The following RFX3 variants were observed in gnomAD, a reference collection of about 807,000 sequenced individuals.
The protein encoded by RFX3 is regulatory factor X3, also known as transcription factor RFX3.
In RFX3, 14 loss-of-function variants were observed where a neutral mutation model predicts 98.6. The observed-to-expected ratio is 0.14, with a 90% CI of 0.09 to 0.22. The LOEUF (loss-of-function observed/expected upper bound fraction) is 0.22, where lower values mean the gene tolerates loss of function less well. RFX3 is among the 10% of genes least tolerant of loss of function. RFX3 has a pLI of 1.00. For missense variants in RFX3, 639 were observed against 926.9 expected (o/e 0.69, Z 4.03); for synonymous variants, 383 against 328.4 (o/e 1.17, Z -1.80).
chr9:3,477,969 G>A (rs778674439), intron 1 of RFX3, among the ~76,000 whole-genome samples: 1 of 151,976 alleles, frequency 6.6e-6, no homozygotes, highest in African/African-American at 2.4e-5. Context: ...ATACTTTTAA[G>A]CTCCAGAACT....
At chr9:3,292,619 AAC>A (rs1827531942) in intron 6 of RFX3, among the ~76,000 whole-genome samples, 1 of 152,206 alleles carries the variant, frequency 6.6e-6, no homozygotes, top group Non-Finnish European at 1.5e-5. Context: ...ACTCTATCCC[AAC>A]AGTTATTTAT....
intron 13 of RFX3, among the ~76,000 whole-genome samples, chr9:3,260,146 T>C (rs1822678929): frequency 1.3e-5 from 2 of 151,954 alleles, no homozygotes; most frequent in Non-Finnish European, 1.5e-5. Flanking sequence ...AAGTAAAATG[T>C]AGGGGGAAAT....
chr9:3,424,793 T>C (rs1046557187), intron 1 of RFX3, among the ~76,000 whole-genome samples: 11 of 152,218 alleles, frequency 7.2e-5, no homozygotes, highest in Non-Finnish European at 1.0e-4. Context: ...ATCTCTAAAA[T>C]TATACATATA....
In RFX3 at chr9:3,224,158, G is replaced by T. The variant is rs1298288737; in HGVS notation, c.*884C>A. 1 of 151,614 alleles carries T rather than the reference G, an allele frequency of 6.6e-6. No individual in the cohort carries two copies. Among genetic ancestry groups the T allele is most frequent in the African/African-American group, 2.4e-5 (1 of 41,240 alleles). 9.4% of individuals were successfully genotyped at this position (151,614 alleles called of 1,614,324 possible). A position where few individuals can be genotyped will look rare whatever the true frequency, so the allele number is the denominator to read the frequency against. On this transcript the variant is annotated 3_prime_UTR_variant, in exon 17 of 17. Coordinates refer to ENST00000617270, the MANE Select transcript of RFX3 (RefSeq NM_001282116.2). ...CTGTATGTCCAGCTCAGCATAAGTA[G>T]CATGTACACTTAAAAAAAAAAAGTC...
Position 3,222,966 on chromosome 9 carries a change from G to C in RFX3, c.*2076C>G, listed in dbSNP as rs1817418832. ...GTTGTTGATGTTATTTGAGTAGTCT[G>C]AGGCAATTAAGCAACAACAGCTTAA... On this transcript the variant is annotated 3_prime_UTR_variant, in exon 17 of 17. Transcript: ENST00000617270. 1 of 152,078 alleles carries C rather than the reference G, an allele frequency of 6.6e-6. No individual in the cohort carries two copies. The highest frequency in any genetic ancestry group is 6.6e-5 in the Admixed American group (1 of 15,240). 9.4% of individuals were successfully genotyped at this position (152,078 alleles called of 1,614,324 possible).
intron 1 of RFX3, among the ~76,000 whole-genome samples, chr9:3,514,188 T>A (rs1356491413): frequency 6.6e-6 from 1 of 152,176 alleles, no homozygotes; most frequent in East Asian, 1.9e-4. Context: ...GTTCCCCTAA[T>A]CTTTCTTTGC....
At chr9:3,406,431 T>C (rs140756857) in intron 1 of RFX3, among the ~76,000 whole-genome samples, 6 of 152,180 alleles carry the variant, frequency 3.9e-5, no homozygotes, top group Non-Finnish European at 7.4e-5. Flanking sequence ...AGTCCGAATC[T>C]AGTGTCCTCC....
chr9:3,475,021 C>G (rs1849105650), intron 1 of RFX3, among the ~76,000 whole-genome samples: 1 of 151,614 alleles, frequency 6.6e-6, no homozygotes, highest in African/African-American at 2.4e-5. Flanking sequence ...ATTGCTTGAG[C>G]CCAGGTGATC....
Position 3,219,341 on chromosome 9 carries a change from C to T in RFX3, c.*5701G>A, listed in dbSNP as rs973837160. 1 of 151,674 alleles carries T rather than the reference C, an allele frequency of 6.6e-6. No homozygotes were observed. Among genetic ancestry groups the T allele is most frequent in the Non-Finnish European group, 1.5e-5 (1 of 67,914 alleles). The allele number at this position is 151,674 out of a possible 1,614,324, so 9.4% of individuals were successfully genotyped here. ...TTATATTTTCTTTCCTCCCCAGAAT[C>T]AAAATTCTTCTAAAGAATATTTGTT... On this transcript the variant is annotated 3_prime_UTR_variant, in exon 17 of 17. Coordinates refer to ENST00000617270, the MANE Select transcript of RFX3 (RefSeq NM_001282116.2).
chr9:3,348,248 T>C (rs367775573), intron 2 of RFX3, among the ~76,000 whole-genome samples: 33 of 152,126 alleles, frequency 2.2e-4, no homozygotes, highest in African/African-American at 6.8e-4. Context: ...TATAAACTGG[T>C]ATATGTTGGG....
At position 3,275,480 on chromosome 9, in the gene RFX3, C is replaced by A. The variant is rs769755686; in HGVS notation, c.1086+20G>T. The A allele has an allele frequency of 1.4e-6, 2 of 1,386,592 alleles. No homozygotes were observed. The highest frequency in any genetic ancestry group is 2.1e-6 in the Non-Finnish European group (2 of 974,012). 85.9% of individuals were successfully genotyped at this position (1,386,592 alleles called of 1,614,324 possible). ...TGGCAAAACCTAGCATGTGTTCATA[C>A]TACATTTGAAAAGACTTACCTCACA... On this transcript the variant is annotated intron_variant, in intron 9 of 16. Coordinates refer to ENST00000617270, the MANE Select transcript of RFX3 (RefSeq NM_001282116.2).
chr9:3,333,636 T>C (rs570744842), intron 3 of RFX3, among the ~76,000 whole-genome samples: 2 of 152,296 alleles, frequency 1.3e-5, no homozygotes, highest in South Asian at 4.1e-4. Flanking sequence ...CTACCGAATA[T>C]GACAGTGGCC....
At chr9:3,463,468 A>G (rs1261819983) in intron 1 of RFX3, among the ~76,000 whole-genome samples, 4 of 152,162 alleles carry the variant, frequency 2.6e-5, no homozygotes, top group Non-Finnish European at 4.4e-5. Flanking sequence ...GCACTCCACA[A>G]AAAGCACAAA....
intron 1 of RFX3, among the ~76,000 whole-genome samples, chr9:3,409,921 T>G (rs763973340): frequency 6.6e-6 from 1 of 151,656 alleles, no homozygotes; most frequent in Non-Finnish European, 1.5e-5. Context: ...GACTCCCAAT[T>G]CCCAGTCAAA....
intron 1 of RFX3, among the ~76,000 whole-genome samples, chr9:3,410,766 T>C (rs967311778): frequency 2.6e-4 from 39 of 152,364 alleles, no homozygotes; most frequent in African/African-American, 9.1e-4. Flanking sequence ...TCTTTACATA[T>C]TATGTTCATG....
intron 2 of RFX3, among the ~76,000 whole-genome samples, chr9:3,376,206 A>T (rs1250879541): frequency 6.6e-6 from 1 of 152,232 alleles, no homozygotes; most frequent in Non-Finnish European, 1.5e-5. Flanking sequence ...AAAGATGTCA[A>T]GCAAGTAGAA....
In RFX3 at chr9:3,293,159, G is replaced by C. The variant is rs141380404; in HGVS notation, c.649C>G (p.Leu217Val). The C allele has an allele frequency of 1.9e-6, 3 of 1,613,554 alleles. No individual in the cohort carries two copies. Residue 217 changes from leucine to valine, a missense_variant, in exon 6 of 17, where the codon CTG becomes GTG. Around this residue, in one of 9 missense-constraint regions of RFX3, gnomAD observed 24 missense variants for 74.5 expected, o/e 0.32. Transcript: ENST00000617270. ...AAAGAGGCAGCATTGACTGGGTCCA[G>C]TTTGTGTTCCTGACAGTGTCGAAGG... ...HYLRHCQEHK[L>V]DPVNAASFGK...
intron 4 of RFX3, among the ~76,000 whole-genome samples, chr9:3,329,339 C>A (rs1479031946): frequency 7.4e-6 from 1 of 134,960 alleles, no homozygotes; most frequent in Non-Finnish European, 1.5e-5. Context: ...ACCCAGAAGG[C>A]AGAGGTTGCA....
rs1040083132 is a variant in RFX3, at chr9:3,232,133, C to T, written c.1969-3244G>A. On this transcript the variant is annotated intron_variant, in intron 15 of 16. Coordinates refer to ENST00000617270, the MANE Select transcript of RFX3 (RefSeq NM_001282116.2). ...AGATTTAGATGAAAAAAAAAGGAAG[C>T]TCACAAGAAACTATAGGGATTATTA... is the stretch of plus-strand genomic sequence containing the variant. Among the ~76,000 whole-genome samples, 4 of 152,154 alleles carry T rather than the reference C, an allele frequency of 2.6e-5. No individual in the cohort carries two copies. In the East Asian group the frequency reaches 5.8e-4, roughly 22 times the overall value.
Sources: gnomAD v4.1 joint callset for allele counts (sites outside exome capture counted in the v4.1 genomes callset) on GRCh38, gnomAD v4.1.1 for gene constraint, gnomAD v4.1.1 regional missense constraint, MANE v1.5 for transcripts, NCBI Gene and HGNC (gene_info 2026-07-23, HGNC 2026-07-21) for gene names.